Variants in DPY19L2 observed in about 807,000 individuals in gnomAD.
The protein encoded by DPY19L2 is probable C-mannosyltransferase DPY19L2.
DPY19L2 carries 34 observed loss-of-function variants against 97.9 expected under a neutral mutation model. That is an observed-to-expected ratio of 0.35 (90% confidence interval 0.26 to 0.46). DPY19L2 has a LOEUF of 0.46. DPY19L2 is among the 20% of genes least tolerant of loss of function. The probability of loss-of-function intolerance (pLI) is 1.00; values close to 1 mark genes in which losing one functional copy is unlikely to be tolerated. For missense variants in DPY19L2, 623 were observed against 911.4 expected (o/e 0.68, Z 4.07); for synonymous variants, 230 against 307.9 (o/e 0.75, Z 2.65).
Position 63,668,073 on chromosome 12 carries a change from T to C in DPY19L2, c.321A>G (p.Arg107=). ...QELQARRFSS[R]TTLGIAVFVA... is the part of the protein sequence containing the mutation. ...TCTCCTCACCGATGCCGAGAGTGGT[T>C]CTGCTGGAGAACCGCCGCGCCTGCA... The change falls in exon 1 of 22, where the codon AGA becomes AGG. Residue 107 remains arginine (R), a synonymous_variant. Transcript: ENST00000324472. 6.2e-7 allele frequency: 1 copy of C among 1,613,918 alleles called. No homozygotes were observed. The highest frequency in any genetic ancestry group is 8.5e-7 in the Non-Finnish European group (1 of 1,179,916).
intron 9 of DPY19L2, 77 bp from the exon 10 acceptor site, chr12:63,618,305 A>G (rs61936088): frequency 0.17 from 93,929 of 567,438 alleles, 8,598 homozygotes; most frequent in Middle Eastern, 0.22. Context: ...CAAAGTAAAT[A>G]TAAGAGGAGG....
At chr12:63,578,333 G>A (rs979771757) in intron 19 of DPY19L2, among the ~76,000 whole-genome samples, 3 of 151,372 alleles carry the variant, frequency 2.0e-5, no homozygotes, top group African/African-American at 7.3e-5. Flanking sequence ...GGGGGTGGAG[G>A]GGAAGTGAGG....
chr12:63,637,695 C>G (rs529498423), intron 6 of DPY19L2, among the ~76,000 whole-genome samples: 1 of 152,062 alleles, frequency 6.6e-6, no homozygotes, highest in Non-Finnish European at 1.5e-5. Context: ...ATAACAGGCT[C>G]TGAAATTGAG....
chr12:63,591,127 T>C (rs1344407945), intron 16 of DPY19L2: 3 of 455,920 alleles, frequency 6.6e-6, no homozygotes, highest in Admixed American at 4.7e-5. Flanking sequence ...GCTCCATCTG[T>C]CTGGAACAAT....
intron 20 of DPY19L2, among the ~76,000 whole-genome samples, chr12:63,570,293 G>C (rs1265321150): frequency 6.6e-6 from 1 of 152,090 alleles, no homozygotes; most frequent in Non-Finnish European, 1.5e-5. Context: ...ATATATAATA[G>C]CAACTTTCAT....
chr12:63,577,916 A>C (rs1423661730), intron 19 of DPY19L2, among the ~76,000 whole-genome samples: 1 of 152,182 alleles, frequency 6.6e-6, no homozygotes, highest in African/African-American at 2.4e-5. Flanking sequence ...TAGAGTTACA[A>C]AATGATCCAG....
At chr12:63,616,022 G>A (rs538026899) in intron 11 of DPY19L2, among the ~76,000 whole-genome samples, 12 of 152,212 alleles carry the variant, frequency 7.9e-5, no homozygotes, top group African/African-American at 1.9e-4. Context: ...TGCATTAGAC[G>A]TTATAAGTAA....
At chr12:63,580,611 A>G (rs562616291) in intron 19 of DPY19L2, 51 bp downstream of exon 19, 2 of 1,496,232 alleles carry the variant, frequency 1.3e-6, no homozygotes, top group Admixed American at 2.1e-5. Flanking sequence ...GTATACACAA[A>G]TGTGTCTGTA....
intron 16 of DPY19L2, among the ~76,000 whole-genome samples, chr12:63,589,357 C>CAAAAAAAAAAAAAAAAAAAAAA (rs71086687): frequency 5.3e-5 from 1 of 18,992 alleles, no homozygotes; most frequent in Non-Finnish European, 1.1e-4. Context: ...AAATGTGTTG[C>CAAAAAAAAAAAAAAAAAAAAAA]AAAAAAAAAA....
intron 11 of DPY19L2, among the ~76,000 whole-genome samples, chr12:63,610,748 A>G (rs2137672346): frequency 6.7e-6 from 1 of 149,384 alleles, no homozygotes; most frequent in South Asian, 2.1e-4. Context: ...GAACACTTCT[A>G]TACACATTTT....
intron 21 of DPY19L2, among the ~76,000 whole-genome samples, chr12:63,561,326 G>T (rs1398810467): frequency 1.3e-5 from 2 of 152,114 alleles, no homozygotes; most frequent in Non-Finnish European, 2.9e-5. Flanking sequence ...TGTAAAGTTT[G>T]CCAGGTATGG....
chr12:63,607,464 G>T (rs1258055682), intron 12 of DPY19L2, among the ~76,000 whole-genome samples: 1 of 152,092 alleles, frequency 6.6e-6, no homozygotes, highest in Non-Finnish European at 1.5e-5. Flanking sequence ...GACAAAAAAA[G>T]CATCATGCCA....
chr12:63,625,701 G>C (rs893031528), intron 7 of DPY19L2, among the ~76,000 whole-genome samples: 3 of 152,102 alleles, frequency 2.0e-5, no homozygotes, highest in African/African-American at 7.2e-5. Context: ...ACAGAAAGAA[G>C]TGAGGGAGCA....
At chr12:63,598,032 A>G in intron 13 of DPY19L2, 122 bp from the exon 14 acceptor site, 1 of 713,916 alleles carries the variant, frequency 1.4e-6, no homozygotes, top group Non-Finnish European at 2.1e-6. Flanking sequence ...ATATATTTAG[A>G]CATCCCTCTA....
intron 12 of DPY19L2, among the ~76,000 whole-genome samples, chr12:63,600,825 C>T (rs1416789693): frequency 6.6e-6 from 1 of 150,830 alleles, no homozygotes; most frequent in Non-Finnish European, 1.5e-5. Flanking sequence ...TCTCTCTGTC[C>T]CCCAGGCCGG....
At chr12:63,664,351 A>AC (rs1896073055) in intron 2 of DPY19L2, among the ~76,000 whole-genome samples, 1 of 151,126 alleles carries the variant, frequency 6.6e-6, no homozygotes, top group Non-Finnish European at 1.5e-5. Flanking sequence ...AAAACAAACA[A>AC]AAAAAAACAA....
intron 12 of DPY19L2, among the ~76,000 whole-genome samples, chr12:63,604,517 A>G (rs2971491): frequency 0.98 from 149,211 of 152,150 alleles, 73,188 homozygotes; most frequent in Middle Eastern, 1. Context: ...ATAGGTCCCG[A>G]AGGCTCTGTC....
At chr12:63,664,955 A>G (rs2136161716) in intron 2 of DPY19L2, among the ~76,000 whole-genome samples, 1 of 152,276 alleles carries the variant, frequency 6.6e-6, no homozygotes, top group Non-Finnish European at 1.5e-5. Flanking sequence ...GGCAGATCTC[A>G]TACATCCCAA....
intron 11 of DPY19L2, among the ~76,000 whole-genome samples, chr12:63,609,793 TG>T (rs1886650111): frequency 6.6e-6 from 1 of 152,192 alleles, no homozygotes; most frequent in African/African-American, 2.4e-5. Flanking sequence ...AGTGCTCTCA[TG>T]AGAAACTGAA....
Sources: allele counts gnomAD v4.1 joint callset (sites outside exome capture counted in the v4.1 genomes callset), GRCh38; gene constraint gnomAD v4.1.1; transcripts MANE v1.5; gene names NCBI Gene and HGNC (gene_info 2026-07-23, HGNC 2026-07-21).